The following PDE1A variants were observed in gnomAD, a reference collection of about 807,000 sequenced individuals.
PDE1A encodes phosphodiesterase 1A, also known as dual specificity calcium/calmodulin-dependent 3',5'-cyclic nucleotide phosphodiesterase 1A.
Under a neutral mutation model 61.7 loss-of-function variants are expected in PDE1A, and 35 were observed. The observed-to-expected ratio is 0.57, with a 90% CI of 0.43 to 0.75. The LOEUF is 0.75. PDE1A is among the 30% of genes least tolerant of loss of function. The pLI, the probability that PDE1A is intolerant of heterozygous loss-of-function variation, is 0.00. For missense variants in PDE1A, 597 were observed against 630.6 expected, an observed-to-expected ratio of 0.95 and a Z score of 0.57; for synonymous variants, 232 against 213.2, an observed-to-expected ratio of 1.09 and a Z score of -0.77.
intron 2 of PDE1A, among the ~76,000 whole-genome samples, chr2:182,517,275 TATATCTGCACAATTCTAACAATATGA>T (rs1312796233): frequency 1.6e-4 from 25 of 152,204 alleles, no homozygotes; most frequent in African/African-American, 6.0e-4. Flanking sequence ...ACAAATATGT[TATATCTGCACAATTCTAACAATATGA>T]TGATAAAGAT....
the PDE1A span, among the ~76,000 whole-genome samples, chr2:182,553,807 C>A: frequency 6.6e-6 from 1 of 152,184 alleles, no homozygotes; most frequent in Non-Finnish European, 1.5e-5. Context: ...AATGCACACA[C>A]AGAAGTGCAG....
At chr2:182,356,386 G>A (rs1021938998) in intron 1 of PDE1A, among the ~76,000 whole-genome samples, 7 of 151,998 alleles carry the variant, frequency 4.6e-5, no homozygotes, top group Admixed American at 1.3e-4. Flanking sequence ...ACGTAAAATC[G>A]TATATTAAGA....
At chr2:182,609,325 G>C in the PDE1A span, among the ~76,000 whole-genome samples, 2 of 152,244 alleles carry the variant, frequency 1.3e-5, no homozygotes, top group South Asian at 2.1e-4. Context: ...CAGGATGTGC[G>C]TGGCACCAGA....
chr2:182,689,797 A>G, the PDE1A span, among the ~76,000 whole-genome samples: 1 of 152,250 alleles, frequency 6.6e-6, no homozygotes, highest in Non-Finnish European at 1.5e-5. Flanking sequence ...CTAATAAAGA[A>G]GAAAAGAGCA....
Position 182,196,559 on chromosome 2 carries a change from T to C in PDE1A, c.1125+4880A>G, listed in dbSNP as rs190909477. Reference sequence around the variant, plus strand: ...AAGGGTATAAACAGGAACACTTGTATAATACTTGATTAAGATATAGAGCAT... The same window carrying C: ...AAGGGTATAAACAGGAACACTTGTACAATACTTGATTAAGATATAGAGCAT... On this transcript the variant is annotated intron_variant, in intron 10 of 13. Coordinates refer to ENST00000351439, the Ensembl canonical transcript of PDE1A. Among the ~76,000 whole-genome samples the C allele has an allele frequency of 2.0e-5, 3 of 151,960 alleles. No homozygotes were observed. The East Asian group carries it at 5.8e-4, about 29-fold the overall frequency.
chr2:182,225,932 G>A (rs1689106306), intron 6 of PDE1A, among the ~76,000 whole-genome samples: 1 of 149,734 alleles, frequency 6.7e-6, no homozygotes, highest in East Asian at 1.9e-4. Flanking sequence ...ACATTTAATT[G>A]TGAGTCATTA....
At chr2:182,230,038 C>T in exon 6 of PDE1A, 1 of 1,612,896 alleles carries the variant, frequency 6.2e-7, no homozygotes, top group South Asian at 1.1e-5. Context: ...ATGTAATGCA[C>T]AGTTTGAGTG....
the PDE1A span, among the ~76,000 whole-genome samples, chr2:182,691,231 A>C: frequency 2.8e-4 from 43 of 152,330 alleles, no homozygotes; most frequent in African/African-American, 9.4e-4. Context: ...AGTCAATCCT[A>C]AGCCAAAAGA....
chr2:182,615,331 G>A, the PDE1A span, among the ~76,000 whole-genome samples: 1 of 151,978 alleles, frequency 6.6e-6, no homozygotes. Context: ...GTAAAACCCA[G>A]CTAAAATGAC....
At chr2:182,335,938 C>T (rs541278334) in intron 1 of PDE1A, among the ~76,000 whole-genome samples, 2 of 152,050 alleles carry the variant, frequency 1.3e-5, no homozygotes, top group South Asian at 4.2e-4. Context: ...ATAAACAACC[C>T]CATCAAAAAG....
chr2:182,500,646 T>A (rs1344368369), intron 2 of PDE1A, among the ~76,000 whole-genome samples: 1 of 152,098 alleles, frequency 6.6e-6, no homozygotes, highest in Non-Finnish European at 1.5e-5. Flanking sequence ...AACCAAAACT[T>A]CAAAAGATTT....
At chr2:182,507,515 C>G (rs1272607195) in intron 2 of PDE1A, among the ~76,000 whole-genome samples, 1 of 152,012 alleles carries the variant, frequency 6.6e-6, no homozygotes, top group Non-Finnish European at 1.5e-5. Context: ...AGAGCTTAAA[C>G]TCCAGTGCAT....
intron 2 of PDE1A, among the ~76,000 whole-genome samples, chr2:182,477,958 T>A (rs1206421134): frequency 1.3e-5 from 2 of 151,760 alleles, no homozygotes; most frequent in Non-Finnish European, 2.9e-5. Context: ...AAGGTGGGAT[T>A]TTATTGCAGG....
chr2:182,313,243 G>A (rs6728410), intron 1 of PDE1A, among the ~76,000 whole-genome samples: 4,587 of 151,980 alleles, frequency 0.03, 234 homozygotes, highest in African/African-American at 0.11. Flanking sequence ...GTGAAACCTC[G>A]TCTCTATAAA....
At chr2:182,661,716 T>C in the PDE1A span, among the ~76,000 whole-genome samples, 2 of 152,190 alleles carry the variant, frequency 1.3e-5, no homozygotes, top group African/African-American at 4.8e-5. Context: ...TTGGATGTAA[T>C]GGTTGGATGT....
intron 7 of PDE1A, among the ~76,000 whole-genome samples, chr2:182,210,019 C>A (rs1465116688): frequency 6.6e-6 from 1 of 151,804 alleles, no homozygotes; most frequent in Non-Finnish European, 1.5e-5. Context: ...CTGCATATAC[C>A]ACAGTTTATT....
chr2:182,431,356 G>A (rs535923241), upstream of PDE1A, among the ~76,000 whole-genome samples: 11 of 152,158 alleles, frequency 7.2e-5, no homozygotes, highest in East Asian at 5.8e-4. Context: ...AGAGTAAAAC[G>A]TGGGCATTAA....
chr2:182,260,685 G>A (rs1394066882), intron 2 of PDE1A, among the ~76,000 whole-genome samples: 1 of 152,098 alleles, frequency 6.6e-6, no homozygotes, highest in Non-Finnish European at 1.5e-5. Flanking sequence ...TACTCCCACG[G>A]TAGCCATTTT....
chr2:182,439,766 TTG>T (rs1222011902), intron 2 of PDE1A, among the ~76,000 whole-genome samples: 3 of 152,092 alleles, frequency 2.0e-5, no homozygotes, highest in Admixed American at 1.3e-4. Flanking sequence ...CTTCAGTTAA[TTG>T]TTTCTATGGA....
Sources: gnomAD v4.1 joint callset for allele counts (sites outside exome capture counted in the v4.1 genomes callset) on GRCh38, gnomAD v4.1.1 for gene constraint, MANE v1.5 for transcripts, NCBI Gene and HGNC (gene_info 2026-07-23, HGNC 2026-07-21) for gene names.